PDE4B: variants seen among roughly 807,000 people sequenced by gnomAD.
The protein encoded by PDE4B is 3',5'-cyclic-AMP phosphodiesterase 4B.
Under a neutral mutation model 82.2 loss-of-function variants are expected in PDE4B, and 20 were observed. That is an observed-to-expected ratio of 0.24 (90% CI 0.17 to 0.35). PDE4B has a LOEUF of 0.35. Among genes scored for constraint, PDE4B ranks in the 10% least tolerant of loss-of-function variants. The pLI, the probability that PDE4B is intolerant of heterozygous loss-of-function variation, is 1.00. For missense variants in PDE4B, 655 were observed against 907.2 expected (o/e 0.72, Z 3.57); for synonymous variants, 320 against 318.9 (o/e 1.00, Z -0.04).
At chr1:66,268,978 G>A (rs971632942) in intron 7 of PDE4B, among the ~76,000 whole-genome samples, 13 of 152,042 alleles carry the variant, frequency 8.6e-5, no homozygotes, top group Non-Finnish European at 1.2e-4. Context: ...TGGTGCTTTC[G>A]CATAGTTATT....
At chr1:66,182,230 A>G (rs184044174) in intron 3 of PDE4B, among the ~76,000 whole-genome samples, 62 of 152,238 alleles carry the variant, frequency 4.1e-4, no homozygotes, top group Middle Eastern at 3.4e-3. Context: ...TTCCTAAATG[A>G]TGGTAAAGCT....
At chr1:66,282,318 T>C (rs1656357981) in intron 7 of PDE4B, among the ~76,000 whole-genome samples, 1 of 152,214 alleles carries the variant, frequency 6.6e-6, no homozygotes, top group East Asian at 1.9e-4. Flanking sequence ...GAAAGACTTT[T>C]GGGTTTTGAG....
At chr1:66,104,233 C>T (rs891636559) in intron 3 of PDE4B, among the ~76,000 whole-genome samples, 5 of 151,890 alleles carry the variant, frequency 3.3e-5, no homozygotes, top group African/African-American at 9.7e-5. Flanking sequence ...ATGATGATTT[C>T]CAATTTCATC....
intron 3 of PDE4B, among the ~76,000 whole-genome samples, chr1:65,995,364 A>G (rs1262011125): frequency 6.6e-6 from 1 of 152,174 alleles, no homozygotes; most frequent in Non-Finnish European, 1.5e-5. Flanking sequence ...TTTCTAGAAA[A>G]TAGACATGTA....
intron 3 of PDE4B, among the ~76,000 whole-genome samples, chr1:65,920,944 T>G (rs1647225779): frequency 6.7e-6 from 1 of 148,404 alleles, no homozygotes; most frequent in Non-Finnish European, 1.5e-5. Flanking sequence ...AAAACATAAG[T>G]AACTAAAAGC....
chr1:65,825,867 A>C (rs922873355), intron 1 of PDE4B, among the ~76,000 whole-genome samples: 7 of 151,444 alleles, frequency 4.6e-5, no homozygotes, highest in Admixed American at 3.3e-4. Flanking sequence ...ACAACTTCTT[A>C]CTCATCTTCC....
chr1:65,981,318 G>T (rs1650676888), intron 3 of PDE4B, among the ~76,000 whole-genome samples: 1 of 152,006 alleles, frequency 6.6e-6, no homozygotes, highest in Non-Finnish European at 1.5e-5. Flanking sequence ...TTCCAAAACT[G>T]GCTTAAGATT....
At chr1:66,105,388 T>C (rs1005552555) in intron 3 of PDE4B, among the ~76,000 whole-genome samples, 3 of 152,024 alleles carry the variant, frequency 2.0e-5, no homozygotes. Flanking sequence ...CCTCCAGCTT[T>C]GTTCTTTTGG....
intron 3 of PDE4B, among the ~76,000 whole-genome samples, chr1:66,228,807 C>T (rs1260328797): frequency 6.6e-6 from 1 of 152,070 alleles, no homozygotes; most frequent in Non-Finnish European, 1.5e-5. Flanking sequence ...CATACTATTG[C>T]TACTGATTTT....
intron 2 of PDE4B, among the ~76,000 whole-genome samples, chr1:65,915,895 AT>A (rs1348748204): frequency 7.2e-5 from 11 of 152,194 alleles, no homozygotes; most frequent in African/African-American, 2.7e-4. Flanking sequence ...ACCATGATAC[AT>A]TTTAAAAGTT....
At chr1:66,249,431 C>T (rs1175291625) in intron 4 of PDE4B, among the ~76,000 whole-genome samples, 1 of 152,170 alleles carries the variant, frequency 6.6e-6, no homozygotes, top group African/African-American at 2.4e-5. Flanking sequence ...ATCTCAAGGT[C>T]ATTCAGAGTC....
At chr1:66,349,590 C>T (rs1056034082) in intron 8 of PDE4B, among the ~76,000 whole-genome samples, 2 of 152,298 alleles carry the variant, frequency 1.3e-5, no homozygotes, top group African/African-American at 4.8e-5. Context: ...TCCATTATTA[C>T]TTCTTTGACC....
intron 1 of PDE4B, among the ~76,000 whole-genome samples, chr1:65,858,812 G>A (rs1571026297): frequency 1.3e-5 from 2 of 152,232 alleles, no homozygotes; most frequent in South Asian, 4.1e-4. Context: ...ACTGCTGAAT[G>A]GCAAGGGACC....
chr1:66,077,593 G>T (rs759759109), intron 3 of PDE4B, among the ~76,000 whole-genome samples: 4 of 152,084 alleles, frequency 2.6e-5, no homozygotes, highest in Non-Finnish European at 5.9e-5. Flanking sequence ...TGAATGAATG[G>T]TATACTGCCC....
At chr1:65,823,168 C>T (rs1478518461) in intron 1 of PDE4B, among the ~76,000 whole-genome samples, 9 of 151,762 alleles carry the variant, frequency 5.9e-5, no homozygotes, top group East Asian at 1.9e-4. Context: ...GAGGCCGAGG[C>T]GGATGGATCG....
intron 3 of PDE4B, among the ~76,000 whole-genome samples, chr1:66,148,313 C>T (rs1239588184): frequency 6.6e-6 from 1 of 151,742 alleles, no homozygotes; most frequent in Non-Finnish European, 1.5e-5. Context: ...ATAATACATT[C>T]TTAGGAACAT....
intron 3 of PDE4B, among the ~76,000 whole-genome samples, chr1:66,126,727 G>A (rs866361676): frequency 1.1e-4 from 16 of 152,334 alleles, no homozygotes; most frequent in Admixed American, 2.0e-4. Context: ...ATTGGTGAAA[G>A]TTTGAGAAAT....
At position 65,918,675 on chromosome 1, in the gene PDE4B, A is replaced by G. The variant is rs1647189876; in HGVS notation, c.121A>G (p.Arg41Gly). 2.5e-6 allele frequency: 4 copies of G among 1,613,700 alleles called. No homozygotes were observed. Among genetic ancestry groups the G allele is most frequent in the Non-Finnish European group, 3.4e-6 (4 of 1,179,746 alleles). The change falls in exon 3 of 17, where the codon AGA becomes GGA. Residue 41 changes from arginine to glycine, a missense_variant. Transcript: ENST00000341517. ...TAACACACTTGGGATCGACCTCTGG[A>G]GAGGGAGAAGGTGTTGCTCAGGAAA... ...SSNTLGIDLW[R>G]GRRCCSGNLQ...
intron 12 of PDE4B, among the ~76,000 whole-genome samples, chr1:66,364,674 G>T (rs1471329181): frequency 1.3e-5 from 2 of 152,202 alleles, no homozygotes; most frequent in East Asian, 3.8e-4. Flanking sequence ...GTGAGATGGA[G>T]CTAAGGGTGT....
Sources: gnomAD v4.1 joint callset for allele counts (sites outside exome capture counted in the v4.1 genomes callset) on GRCh38, gnomAD v4.1.1 for gene constraint, MANE v1.5 for transcripts, NCBI Gene and HGNC (gene_info 2026-07-23, HGNC 2026-07-21) for gene names.